ETS1: variants seen among roughly 807,000 people sequenced by gnomAD.
ETS1 encodes protein C-ets-1.
ETS1 carries 15 observed loss-of-function variants against 58.6 expected under a neutral mutation model. That is an observed-to-expected ratio of 0.26 (90% CI 0.17 to 0.39). ETS1 has a LOEUF of 0.39. Among genes scored for constraint, ETS1 ranks in the 10% least tolerant of loss-of-function variants. The pLI, the probability that ETS1 is intolerant of heterozygous loss-of-function variation, is 1.00. For missense variants in ETS1, 417 were observed against 610.5 expected, an observed-to-expected ratio of 0.68 and a Z score of 3.34; for synonymous variants, 214 against 218.2, an observed-to-expected ratio of 0.98 and a Z score of 0.17.
intron 8 of ETS1, among the ~76,000 whole-genome samples, chr11:128,471,611 A>G (rs769338061): frequency 9.2e-5 from 14 of 152,202 alleles, no homozygotes; most frequent in Non-Finnish European, 1.9e-4. Flanking sequence ...TTTCCTCCTG[A>G]TGTCTTCTAG....
chr11:128,484,199 C>G (rs1004585930), intron 7 of ETS1, among the ~76,000 whole-genome samples: 3 of 152,186 alleles, frequency 2.0e-5, no homozygotes, highest in Non-Finnish European at 2.9e-5. Flanking sequence ...AAACTACCTT[C>G]TTTTGGAAAC....
chr11:128,495,055 A>T lies in ETS1; in HGVS notation c.215-4479T>A, dbSNP rs1212877559. Among the ~76,000 whole-genome samples the T allele has an allele frequency of 2.0e-5, 3 of 152,216 alleles. No homozygotes were observed. In the East Asian group the frequency reaches 5.8e-4, roughly 29 times the overall value. ...TTTACAGTTTGCCAAGACTCTTCAC[A>T]TACACTATTCCAAAATATCCTCTAA... On this transcript the variant is annotated intron_variant, in intron 3 of 9. Transcript: ENST00000392668.
chr11:128,526,938 C>A, intron 3 of ETS1: 1 of 456,216 alleles, frequency 2.2e-6, no homozygotes, highest in South Asian at 1.5e-5. Context: ...CAGGGCCACA[C>A]AATCTAAAAA....
chr11:128,468,161 A>T (rs1431684221), intron 8 of ETS1, among the ~76,000 whole-genome samples: 1 of 152,210 alleles, frequency 6.6e-6, no homozygotes, highest in African/African-American at 2.4e-5. Flanking sequence ...TTCACCCCCT[A>T]AGGGGACCCC....
chr11:128,475,556 C>CTTT (rs35049593), intron 8 of ETS1, among the ~76,000 whole-genome samples: 4,729 of 109,346 alleles, frequency 0.043, 345 homozygotes, highest in Middle Eastern at 0.067. Context: ...ATGCACAGGG[C>CTTT]TTTTTTTTTT....
chr11:128,550,397 G>A (rs1278087942), intron 3 of ETS1, among the ~76,000 whole-genome samples: 1 of 152,218 alleles, frequency 6.6e-6, no homozygotes, highest in African/African-American at 2.4e-5. Flanking sequence ...TCAGAGGCAT[G>A]CCCTCCACTT....
intron 8 of ETS1, among the ~76,000 whole-genome samples, chr11:128,469,029 T>A (rs1416592145): frequency 6.6e-6 from 1 of 152,230 alleles, no homozygotes; most frequent in Non-Finnish European, 1.5e-5. Context: ...GAAAGGCATA[T>A]GGATTAGAAA....
At chr11:128,555,767 T>C (rs910370842) in intron 3 of ETS1, among the ~76,000 whole-genome samples, 1 of 152,148 alleles carries the variant, frequency 6.6e-6, no homozygotes, top group African/African-American at 2.4e-5. Flanking sequence ...TTGAGAGTTC[T>C]CTGGAGGAGA....
intron 2 of ETS1, among the ~76,000 whole-genome samples, chr11:128,566,945 A>G (rs1864515662): frequency 3.3e-5 from 5 of 152,198 alleles, no homozygotes; most frequent in Non-Finnish European, 7.3e-5. Context: ...TCAAGAAGAC[A>G]GTGTAAGGTG....
At chr11:128,496,734 G>A (rs879473781) in intron 3 of ETS1, among the ~76,000 whole-genome samples, 1 of 152,224 alleles carries the variant, frequency 6.6e-6, no homozygotes, top group Non-Finnish European at 1.5e-5. Context: ...TTGAAGTAGA[G>A]TAGAAGGGAG....
intron 3 of ETS1, among the ~76,000 whole-genome samples, chr11:128,544,735 G>A (rs1864107005): frequency 6.6e-6 from 1 of 151,886 alleles, no homozygotes; most frequent in South Asian, 2.1e-4. Flanking sequence ...GAACAGCTGC[G>A]AGGAGAGAAA....
At chr11:128,531,220 G>A (rs989083914) in intron 3 of ETS1, among the ~76,000 whole-genome samples, 7 of 152,332 alleles carry the variant, frequency 4.6e-5, no homozygotes, top group African/African-American at 1.7e-4. Context: ...CTCTCCAGAT[G>A]TCAGTCTTTG....
chr11:128,506,742 G>T (rs1281163966), intron 3 of ETS1, among the ~76,000 whole-genome samples: 2 of 152,084 alleles, frequency 1.3e-5, no homozygotes, highest in East Asian at 1.9e-4. Flanking sequence ...CTGGGAGACC[G>T]ACCGTGGGAG....
intron 6 of ETS1, among the ~76,000 whole-genome samples, chr11:128,485,591 G>A (rs1862607274): frequency 1.3e-5 from 2 of 152,172 alleles, no homozygotes; most frequent in Non-Finnish European, 2.9e-5. Context: ...CAGTATGGTT[G>A]GGTATCTTAC....
Position 128,584,938 on chromosome 11 carries a change from AAAAGAAAGAAAGAAAG to A in ETS1, c.-15+2534_-15+2549del, listed in dbSNP as rs765433081. On this transcript the variant is annotated intron_variant, in intron 1 of 9. Coordinates refer to ENST00000392668, the MANE Select transcript of ETS1 (RefSeq NM_001143820.2). ...AGAAAGAAAGAGGAAGAAAAAAGAG[AAAAGAAAGAAAGAAAG>A]AAAGAAAGAAAGAAAGAAAGAAAGA... is the stretch of plus-strand genomic sequence containing the variant. Among the ~76,000 whole-genome samples, 27 of 62,598 alleles carry A rather than the reference AAAAGAAAGAAAGAAAG, an allele frequency of 4.3e-4. 1 individual carries two copies. The highest frequency in any genetic ancestry group is 1.3e-3 in the South Asian group (2 of 1,578). The allele number at this position is 62,598 out of a possible 152,430, so 41.1% of individuals were successfully genotyped here. A position where few individuals can be genotyped will look rare whatever the true frequency, so the allele number is the denominator to read the frequency against.
At chr11:128,495,360 G>A (rs570663399) in intron 3 of ETS1, among the ~76,000 whole-genome samples, 2 of 152,286 alleles carry the variant, frequency 1.3e-5, no homozygotes, top group South Asian at 2.1e-4. Flanking sequence ...TTTTAGGAGT[G>A]ATTAAAAACT....
At chr11:128,502,027 A>T (rs548733634) in intron 3 of ETS1, among the ~76,000 whole-genome samples, 2 of 151,866 alleles carry the variant, frequency 1.3e-5, no homozygotes, top group Non-Finnish European at 2.9e-5. Flanking sequence ...GAGAGAGAGA[A>T]AGAGAGCTGC....
intron 2 of ETS1, among the ~76,000 whole-genome samples, chr11:128,562,279 G>A (rs1864416742): frequency 6.6e-6 from 1 of 152,170 alleles, no homozygotes; most frequent in African/African-American, 2.4e-5. Flanking sequence ...CGTGGTGGTA[G>A]GCACCTGTAA....
Position 128,573,087 on chromosome 11 carries a change from T to A in ETS1, c.44A>T (p.Tyr15Phe). ...CACCACTGCAGGACGAGGCGCTGAG[T>A]AAGGGACGGGGCTGCTCCCAGCAGA... is the stretch of plus-strand genomic sequence containing the variant. The part of the protein sequence containing the change: ...VDSAGSSPVP[Y>F]SAPRPAVVRQ... The change falls in exon 2 of 10, where the codon TAC becomes TTC. Residue 15 changes from tyrosine to phenylalanine, a missense_variant. Tyr to Phe is a conservative substitution (Grantham distance 22). This residue lies in a region of ETS1 where 90 missense variants were observed against 90.3 expected (regional missense o/e 1.00). Coordinates refer to ENST00000392668, the MANE Select transcript of ETS1 (RefSeq NM_001143820.2). 6.2e-7 allele frequency: 1 copy of A among 1,603,848 alleles called. No homozygotes were observed. Among genetic ancestry groups the A allele is most frequent in the Non-Finnish European group, 8.5e-7 (1 of 1,175,350 alleles).
Sources: gnomAD v4.1 joint callset for allele counts (sites outside exome capture counted in the v4.1 genomes callset) on GRCh38, gnomAD v4.1.1 for gene constraint, gnomAD v4.1.1 regional missense constraint, MANE v1.5 for transcripts, NCBI Gene and HGNC (gene_info 2026-07-23, HGNC 2026-07-21) for gene names.